The following SLC25A48 variants were observed in gnomAD, a reference collection of about 807,000 sequenced individuals.
SLC25A48 encodes CTC-321K16.1.
SLC25A48 carries 29 observed loss-of-function variants against 32.2 expected under a neutral mutation model. That is an observed-to-expected ratio of 0.90 (90% CI 0.67 to 1.23). The LOEUF is 1.23. Ranked by LOEUF, SLC25A48 falls within the 50% of genes most tolerant of loss-of-function variation. The probability of loss-of-function intolerance (pLI) is 0.00; values close to 1 mark genes in which losing one functional copy is unlikely to be tolerated. For synonymous variants in SLC25A48, 164 were observed against 172.3 expected, an observed-to-expected ratio of 0.95 and a Z score of 0.38; for missense variants, 399 against 422.7, an observed-to-expected ratio of 0.94 and a Z score of 0.49.
intron 1 of SLC25A48, 73 bp downstream of exon 1, chr5:135,834,966 A>G: frequency 6.5e-7 from 1 of 1,528,670 alleles, no homozygotes; most frequent in Admixed American, 2.0e-5. Context: ...GCTCTGAGGA[A>G]ACTTTGCCTC....
intron 3 of SLC25A48, among the ~76,000 whole-genome samples, chr5:135,685,890 G>A (rs1004000623): frequency 6.6e-6 from 1 of 152,234 alleles, no homozygotes; most frequent in Non-Finnish European, 1.5e-5. Context: ...AAGTCCTGCA[G>A]ATTCCCTGGG....
At chr5:135,764,245 T>A (rs1297523950) in intron 3 of SLC25A48, among the ~76,000 whole-genome samples, 6 of 151,996 alleles carry the variant, frequency 3.9e-5, no homozygotes, top group Admixed American at 2.0e-4. Context: ...ACTCCCCATA[T>A]CGTGGGGATT....
intron 7 of SLC25A48, among the ~76,000 whole-genome samples, chr5:135,885,559 G>A (rs1395346509): frequency 1.3e-5 from 2 of 151,950 alleles, no homozygotes; most frequent in African/African-American, 4.8e-5. Context: ...GACCCCTCTG[G>A]CACTGTGTCC....
At chr5:135,810,315 A>G (rs974256168) in intron 3 of SLC25A48, among the ~76,000 whole-genome samples, 1 of 152,214 alleles carries the variant, frequency 6.6e-6, no homozygotes, top group Non-Finnish European at 1.5e-5. Context: ...TAAAAATGTC[A>G]CTTCCTGCAA....
intron 1 of SLC25A48, among the ~76,000 whole-genome samples, chr5:135,588,239 A>G (rs1181404536): frequency 6.6e-6 from 1 of 152,232 alleles, no homozygotes; most frequent in Non-Finnish European, 1.5e-5. Flanking sequence ...AGTTCTTTAA[A>G]CATGTATTTG....
At chr5:135,670,601 T>TGG (rs781382691) in intron 3 of SLC25A48, among the ~76,000 whole-genome samples, 3 of 152,206 alleles carry the variant, frequency 2.0e-5, no homozygotes, top group Non-Finnish European at 4.4e-5. Flanking sequence ...CTTCTTAGTA[T>TGG]GGTGAGGATT....
chr5:135,604,827 T>A (rs1460033828), intron 1 of SLC25A48, among the ~76,000 whole-genome samples: 1 of 152,146 alleles, frequency 6.6e-6, no homozygotes, highest in Non-Finnish European at 1.5e-5. Flanking sequence ...AAGAGCATGG[T>A]CTTTGGAGTC....
intron 3 of SLC25A48, among the ~76,000 whole-genome samples, chr5:135,759,820 A>T (rs1343364993): frequency 7.1e-6 from 1 of 141,150 alleles, no homozygotes; most frequent in East Asian, 2.1e-4. Flanking sequence ...TTTACTTGTT[A>T]TATATCATCT....
Position 135,689,204 on chromosome 5 carries a change from C to T in SLC25A48, c.-521+54248C>T, listed in dbSNP as rs147443216. Among the ~76,000 whole-genome samples the T allele has an allele frequency of 1.4e-4, 22 of 152,308 alleles. No homozygotes were observed. In the East Asian group the frequency reaches 4.2e-3, roughly 29 times the overall value. On this transcript the variant is annotated intron_variant, in intron 3 of 10. Coordinates refer to the SLC25A48 transcript ENST00000646290. ...GCAGCAAGGAACTGGGTGCCTCAGA[C>T]CCTCTTGGACCTATCAGTCCCTTCT...
At chr5:135,701,827 T>C (rs1457431240) in intron 3 of SLC25A48, among the ~76,000 whole-genome samples, 3 of 152,236 alleles carry the variant, frequency 2.0e-5, no homozygotes. Context: ...GAAGCTGTCT[T>C]GCCCCTGCCA....
intron 3 of SLC25A48, among the ~76,000 whole-genome samples, chr5:135,851,505 A>T (rs1193371963): frequency 6.6e-6 from 1 of 152,198 alleles, no homozygotes; most frequent in Non-Finnish European, 1.5e-5. Context: ...GCCCATGGCT[A>T]AGCCACATCC....
intron 3 of SLC25A48, among the ~76,000 whole-genome samples, chr5:135,851,971 G>T (rs961249862): frequency 6.6e-6 from 1 of 152,122 alleles, no homozygotes; most frequent in African/African-American, 2.4e-5. Context: ...TCATCTAGAG[G>T]CTGGCCCAGG....
At chr5:135,752,945 G>A (rs7380593) in intron 3 of SLC25A48, among the ~76,000 whole-genome samples, 61,641 of 151,800 alleles carry the variant, frequency 0.41, 14,368 homozygotes, top group Non-Finnish European at 0.52. Flanking sequence ...GTAATTTCTC[G>A]AGGATATATT....
chr5:135,859,763 G>C (rs1174678544), intron 4 of SLC25A48, among the ~76,000 whole-genome samples: 2 of 152,140 alleles, frequency 1.3e-5, no homozygotes, highest in Non-Finnish European at 2.9e-5. Flanking sequence ...AGGGTTTGTG[G>C]GTCCAGGAGC....
At chr5:135,868,661 T>TAC (rs71819151) in intron 4 of SLC25A48, among the ~76,000 whole-genome samples, 67 of 126,400 alleles carry the variant, frequency 5.3e-4, no homozygotes, top group African/African-American at 7.2e-4. Context: ...TCTATGTGTA[T>TAC]ACACACACAC....
intron 4 of SLC25A48, among the ~76,000 whole-genome samples, chr5:135,857,947 G>A (rs1760468651): frequency 1.3e-5 from 2 of 152,140 alleles, no homozygotes; most frequent in African/African-American, 4.8e-5. Context: ...GTCCTTAAAG[G>A]GCCCTGTCTT....
At chr5:135,886,484 T>A (rs550006740) in intron 7 of SLC25A48, among the ~76,000 whole-genome samples, 60 of 150,774 alleles carry the variant, frequency 4.0e-4, no homozygotes, top group Non-Finnish European at 6.4e-4. Context: ...CAGCAATGGA[T>A]CTGCTTCCTC....
intron 3 of SLC25A48, among the ~76,000 whole-genome samples, chr5:135,672,854 G>T (rs1292207520): frequency 2.0e-5 from 3 of 151,998 alleles, no homozygotes; most frequent in Non-Finnish European, 4.4e-5. Flanking sequence ...GATTGCTCAG[G>T]CCCTTGTAAA....
At chr5:135,694,575 T>G (rs1754223878) in intron 3 of SLC25A48, among the ~76,000 whole-genome samples, 1 of 151,928 alleles carries the variant, frequency 6.6e-6, no homozygotes, top group Non-Finnish European at 1.5e-5. Flanking sequence ...ATTATTTTAT[T>G]TATTTATTTA....
Sources: allele counts gnomAD v4.1 joint callset (sites outside exome capture counted in the v4.1 genomes callset), GRCh38; gene constraint gnomAD v4.1.1; transcripts MANE v1.5; gene names NCBI Gene and HGNC (gene_info 2026-07-23, HGNC 2026-07-21).